RNGTT: variants seen among roughly 807,000 people sequenced by gnomAD.
RNGTT encodes mRNA-capping enzyme.
RNGTT carries 33 observed loss-of-function variants against 79.3 expected under a neutral mutation model. The observed-to-expected ratio is 0.42, with a 90% CI of 0.32 to 0.56. The LOEUF (loss-of-function observed/expected upper bound fraction) is 0.56, where lower values mean the gene tolerates loss of function less well. Ranked by LOEUF, RNGTT falls within the 20% of genes least tolerant of loss-of-function variation. RNGTT has a pLI of 0.17. For missense variants in RNGTT, 497 were observed against 739.1 expected, an observed-to-expected ratio of 0.67 and a Z score of 3.80; for synonymous variants, 222 against 235.9, an observed-to-expected ratio of 0.94 and a Z score of 0.54.
At position 88,705,870 on chromosome 6, in the gene RNGTT, G is replaced by T. The variant is rs1776113626; in HGVS notation, c.1440-27451C>A. The stretch of plus-strand genomic sequence containing the variant: ...AGAGCCTCCTTTCACTTTCTAGCAG[G>T]TGATACTCAAAATGGGGTTGATATG... On this transcript the variant is annotated intron_variant, in intron 13 of 15. Transcript: ENST00000369485. 1.3e-5 allele frequency among the ~76,000 whole-genome samples: 2 copies of T among 152,008 alleles called. 1 individual carries two copies. The highest frequency in any genetic ancestry group is 4.8e-5 in the African/African-American group (2 of 41,362).
At chr6:88,646,348 T>C (rs563194460) in intron 14 of RNGTT, among the ~76,000 whole-genome samples, 1 of 152,288 alleles carries the variant, frequency 6.6e-6, no homozygotes, top group South Asian at 2.1e-4. Context: ...AAACAATAGG[T>C]GCTGGAGAGG....
chr6:88,632,536 GACACACAGACACAC>G (rs201083365), intron 14 of RNGTT, among the ~76,000 whole-genome samples: 3,495 of 98,406 alleles, frequency 0.036, 44 homozygotes, highest in East Asian at 0.093. Context: ...CAGACACACA[GACACACAGACACAC>G]ACACACACAC....
intron 13 of RNGTT, among the ~76,000 whole-genome samples, chr6:88,680,742 CAA>C (rs34670490): frequency 3.5e-4 from 28 of 80,876 alleles, no homozygotes; most frequent in Admixed American, 4.1e-4. Context: ...AACTCTATCT[CAA>C]AAAAAAAAAA....
chr6:88,961,319 CTGTATGTGTGTGTGTGTA>C (rs921349371), intron 1 of RNGTT, among the ~76,000 whole-genome samples: 14 of 151,728 alleles, frequency 9.2e-5, no homozygotes, highest in African/African-American at 1.9e-4. Flanking sequence ...CCCTTTACGT[CTGTATGTGTGTGTGTGTA>C]TGTATGTGTG....
At chr6:88,722,727 G>C (rs1776746984) in intron 13 of RNGTT, among the ~76,000 whole-genome samples, 1 of 152,178 alleles carries the variant, frequency 6.6e-6, no homozygotes, top group African/African-American at 2.4e-5. Flanking sequence ...AAGAAAGTGG[G>C]AGAAGAAAAG....
intron 13 of RNGTT, among the ~76,000 whole-genome samples, chr6:88,757,917 A>G (rs1046531690): frequency 1.3e-5 from 2 of 152,220 alleles, no homozygotes; most frequent in Non-Finnish European, 2.9e-5. Context: ...CTATTGTTAC[A>G]TGTTTAAGTA....
Position 88,653,629 on chromosome 6 carries a change from T to C in RNGTT, c.1506+24724A>G, listed in dbSNP as rs139071220. Among the ~76,000 whole-genome samples the C allele has an allele frequency of 2.0e-5, 3 of 152,282 alleles. No homozygotes were observed. The East Asian group carries it at 5.8e-4, about 29-fold the overall frequency. Reference sequence around the variant, plus strand: ...CCCAAGATGTAACAGAGATTAGAAATTAAAATTTTCAATGCAGTAAATATG... The same window carrying C: ...CCCAAGATGTAACAGAGATTAGAAACTAAAATTTTCAATGCAGTAAATATG... On this transcript the variant is annotated intron_variant, in intron 14 of 15. Coordinates refer to ENST00000369485, the MANE Select transcript of RNGTT (RefSeq NM_003800.5).
rs73498456 is a variant in RNGTT, at chr6:88,855,547, T to C, written c.897-1783A>G. ...AAAAAGGAAAGGAAAAAAGGCAACATAATAGAAAAAAATTTTTTTAAAGTT... is the reference window on the plus strand; with the variant it reads ...AAAAAGGAAAGGAAAAAAGGCAACACAATAGAAAAAAATTTTTTTAAAGTT... On this transcript the variant is annotated intron_variant, in intron 8 of 15. Coordinates refer to ENST00000369485, the MANE Select transcript of RNGTT (RefSeq NM_003800.5). 1.9e-3 allele frequency among the ~76,000 whole-genome samples: 277 copies of C among 149,556 alleles called. 1 individual carries two copies. Among genetic ancestry groups the C allele is most frequent in the African/African-American group, 6.7e-3 (271 of 40,664 alleles).
intron 13 of RNGTT, 112 bp from the exon 14 acceptor site, chr6:88,678,531 A>G (rs780291868): frequency 1.3e-5 from 7 of 526,132 alleles, no homozygotes; most frequent in Admixed American, 4.5e-5. Flanking sequence ...AAAATATATT[A>G]GATGGATGCT....
At chr6:88,776,477 G>C (rs545619074) in intron 12 of RNGTT, among the ~76,000 whole-genome samples, 23 of 151,740 alleles carry the variant, frequency 1.5e-4, no homozygotes, top group Non-Finnish European at 2.9e-4. Context: ...GTGCCAGCAG[G>C]CCCAGCTAAT....
Position 88,963,513 on chromosome 6 carries a change from C to G in RNGTT, c.-104G>C. Reference sequence around the variant, plus strand: ...ACACCGGGGTCCGAGACACCCGAATCGCAGCCGTAATCTGAATTCCAACCT... The same window carrying G: ...ACACCGGGGTCCGAGACACCCGAATGGCAGCCGTAATCTGAATTCCAACCT... On this transcript the variant is annotated 5_prime_UTR_variant, in exon 1 of 16. Coordinates refer to ENST00000369485, the MANE Select transcript of RNGTT (RefSeq NM_003800.5). 9.0e-7 allele frequency: 1 copy of G among 1,115,144 alleles called. No homozygotes were observed. The highest frequency in any genetic ancestry group is 1.2e-6 in the Non-Finnish European group (1 of 812,556). The allele number at this position is 1,115,144 out of a possible 1,614,324, so 69.1% of individuals were successfully genotyped here.
chr6:88,882,139 G>T (rs9359827), intron 8 of RNGTT, among the ~76,000 whole-genome samples: 2 of 151,978 alleles, frequency 1.3e-5, no homozygotes, highest in Admixed American at 6.5e-5. Flanking sequence ...TAAACCCAAG[G>T]TCCAACTACC....
At chr6:88,940,208 T>C (rs574127612) in intron 2 of RNGTT, among the ~76,000 whole-genome samples, 3 of 151,980 alleles carry the variant, frequency 2.0e-5, no homozygotes, top group Non-Finnish European at 4.4e-5. Flanking sequence ...CTCCCGAGTA[T>C]GCTGGAATTA....
At position 88,963,590 on chromosome 6, in the gene RNGTT, C is replaced by G. The variant is rs942085244; in HGVS notation, c.-181G>C. 8.3e-5 allele frequency: 45 copies of G among 543,404 alleles called. No individual in the cohort carries two copies. The highest frequency in any genetic ancestry group is 2.7e-4 in the South Asian group (11 of 40,292). The allele number at this position is 543,404 out of a possible 1,614,324, so 33.7% of individuals were successfully genotyped here. Reference sequence around the variant, plus strand: ...GCGCGCCACTTTCATTCAGGATCAACTCCACAGCTCCAGGAGAACCCACAA... The same window carrying G: ...GCGCGCCACTTTCATTCAGGATCAAGTCCACAGCTCCAGGAGAACCCACAA... On this transcript the variant is annotated 5_prime_UTR_variant, in exon 1 of 16. Coordinates refer to ENST00000369485, the MANE Select transcript of RNGTT (RefSeq NM_003800.5).
chr6:88,951,961 G>A (rs931549271), intron 1 of RNGTT, among the ~76,000 whole-genome samples: 10 of 152,250 alleles, frequency 6.6e-5, no homozygotes, highest in African/African-American at 2.2e-4. Flanking sequence ...GCAGATATGA[G>A]CACAAAAGCT....
chr6:88,751,767 G>A (rs1363558583), intron 13 of RNGTT, among the ~76,000 whole-genome samples: 1 of 151,882 alleles, frequency 6.6e-6, no homozygotes, highest in East Asian at 1.9e-4. Context: ...AGCTTAAATT[G>A]TTATTATACA....
intron 12 of RNGTT, among the ~76,000 whole-genome samples, chr6:88,784,481 T>A (rs1246442993): frequency 3.9e-5 from 6 of 152,032 alleles, no homozygotes; most frequent in African/African-American, 1.2e-4. Flanking sequence ...AGTTGAAGGA[T>A]AAATGGGAGT....
At chr6:88,834,246 T>A (rs937089615) in intron 11 of RNGTT, among the ~76,000 whole-genome samples, 3 of 152,158 alleles carry the variant, frequency 2.0e-5, no homozygotes, top group African/African-American at 7.2e-5. Context: ...GATTTACTAC[T>A]CCAAAAGAAG....
At chr6:88,753,236 G>A (rs952119516) in intron 13 of RNGTT, among the ~76,000 whole-genome samples, 2 of 152,202 alleles carry the variant, frequency 1.3e-5, no homozygotes, top group African/African-American at 2.4e-5. Flanking sequence ...TCTAAGGCCA[G>A]GCACAGTGGC....
Sources: allele counts gnomAD v4.1 joint callset (sites outside exome capture counted in the v4.1 genomes callset), GRCh38; gene constraint gnomAD v4.1.1; transcripts MANE v1.5; gene names NCBI Gene and HGNC (gene_info 2026-07-23, HGNC 2026-07-21).